VWA2: variants seen among roughly 807,000 people sequenced by gnomAD.
The protein encoded by VWA2 is von Willebrand factor A domain-containing protein 2.
Under a neutral mutation model 70.4 loss-of-function variants are expected in VWA2, and 73 were observed. The observed-to-expected ratio is 1.04, with a 90% CI of 0.86 to 1.26. VWA2 has a LOEUF of 1.26. VWA2 is among the 50% of genes most tolerant of loss of function. The pLI is 0.00. For missense variants in VWA2, 1,011 were observed against 998.5 expected (o/e 1.01, Z -0.17); for synonymous variants, 407 against 423.3 (o/e 0.96, Z 0.47).
At chr10:114,256,037 A>AG (rs1189478607) in intron 4 of VWA2, among the ~76,000 whole-genome samples, 1 of 152,208 alleles carries the variant, frequency 6.6e-6, no homozygotes, top group Non-Finnish European at 1.5e-5. Flanking sequence ...TGCAGCCTCT[A>AG]GGGGAGAATC....
At position 114,289,471 on chromosome 10, in the gene VWA2, A is replaced by T. The variant is rs765323011; in HGVS notation, c.2104A>T (p.Ile702Phe). 1.2e-6 allele frequency: 2 copies of T among 1,614,202 alleles called. No individual in the cohort carries two copies. The highest frequency in any genetic ancestry group is 2.2e-5 in the South Asian group (2 of 91,086). ...CCTGCGGTACCACCAGGACGTGCTC[A>T]TTGAGTGGCTGTGTGGAGGTGAGTG... ...ADLRYHQDVL[I>F]EWLCGEAKQP... Residue 702 changes from isoleucine (I) to phenylalanine (F), a missense_variant, in exon 12 of 14, where the codon ATT becomes TTT. Ile to Phe is a conservative substitution (Grantham distance 21). Coordinates refer to ENST00000392982, the MANE Select transcript of VWA2 (RefSeq NM_001272046.2).
chr10:114,289,714 T>TC, intron 12 of VWA2: 1 of 581,778 alleles, frequency 1.7e-6, no homozygotes, highest in Non-Finnish European at 3.1e-6. Flanking sequence ...CATAGATAAC[T>TC]CCCCCCAAAC....
At position 114,290,200 on chromosome 10, in the gene VWA2, TGCCTGGCCG is replaced by T. The variant is rs779971932; in HGVS notation, c.2123-33_2123-25del. ...GGTAGGGGTCTTCGGGTCTAACCCATGCCTGGCCGGCCTGGTGGGTATGGTGTTCTCCAT... is the reference window on the plus strand; with the variant it reads ...GGTAGGGGTCTTCGGGTCTAACCCATGCCTGGTGGGTATGGTGTTCTCCAT... On this transcript the variant is annotated intron_variant, in intron 12 of 13. Coordinates refer to ENST00000392982, the MANE Select transcript of VWA2 (RefSeq NM_001272046.2). 70 of 1,547,310 alleles carry T rather than the reference TGCCTGGCCG, an allele frequency of 4.5e-5. 1 individual carries two copies. In the East Asian group the frequency reaches 1.6e-3, roughly 36 times the overall value.
intron 5 of VWA2, among the ~76,000 whole-genome samples, chr10:114,269,496 G>A (rs761718295): frequency 4.5e-4 from 68 of 152,250 alleles, no homozygotes; most frequent in Non-Finnish European, 6.8e-4. Flanking sequence ...CAGGAGAATC[G>A]CTTAAGCCCA....
chr10:114,254,081 T>C (rs2037267142), intron 3 of VWA2, among the ~76,000 whole-genome samples: 1 of 151,804 alleles, frequency 6.6e-6, no homozygotes, highest in Non-Finnish European at 1.5e-5. Context: ...TTTTTTTGTT[T>C]TGTTTTAAAG....
chr10:114,271,001 C>T (rs1313274408), intron 5 of VWA2, among the ~76,000 whole-genome samples: 1 of 152,122 alleles, frequency 6.6e-6, no homozygotes, highest in Non-Finnish European at 1.5e-5. Flanking sequence ...AGCTTTTTCC[C>T]CTCTGAAGCC....
In VWA2 at chr10:114,277,095, A is replaced by G. The variant is rs181808667; in HGVS notation, c.567-819A>G. 1.1e-3 allele frequency among the ~76,000 whole-genome samples: 167 copies of G among 147,194 alleles called. 4 individuals are homozygous for G. In the Middle Eastern group the frequency reaches 0.04, roughly 35 times the overall value. On this transcript the variant is annotated intron_variant, in intron 6 of 13. Transcript: ENST00000392982. ...TAGAAATGAATGGGATTTTTGCCCT[A>G]TCGTCAAACCTTGGTCCACCCTGAT...
chr10:114,272,900 G>A lies in VWA2; in HGVS notation c.532G>A (p.Val178Ile), dbSNP rs1225077190. Residue 178 changes from valine to isoleucine, a missense_variant, in exon 6 of 14, where the codon GTC becomes ATC. By Grantham distance (29) the Val-to-Ile change is conservative. Coordinates refer to ENST00000392982, the MANE Select transcript of VWA2 (RefSeq NM_001272046.2). ...ATCCAAGCAGCTGAAGGAAAGGGGT[G>A]TCACTGTGTTTGCTGTGGGGGTCAG... ...LPSKQLKERGVTVFAVGVRFP... is the reference protein window; with the variant it reads ...LPSKQLKERGITVFAVGVRFP... 3.7e-6 allele frequency: 6 copies of A among 1,613,494 alleles called. No individual in the cohort carries two copies. Among genetic ancestry groups the A allele is most frequent in the Non-Finnish European group, 5.1e-6 (6 of 1,179,698 alleles).
chr10:114,272,536 G>A (rs1011672748), intron 5 of VWA2, among the ~76,000 whole-genome samples: 3 of 152,162 alleles, frequency 2.0e-5, no homozygotes, highest in Non-Finnish European at 4.4e-5. Flanking sequence ...GAGATGTACG[G>A]GGTGAATCTC....
At chr10:114,278,671 G>A in intron 7 of VWA2, 48 bp from the exon 8 acceptor site, 1 of 1,606,110 alleles carries the variant, frequency 6.2e-7, no homozygotes, top group Non-Finnish European at 8.5e-7. Context: ...GCAGGAGGAG[G>A]TGGAACCCTG....
rs1202114622 is a variant in VWA2, at chr10:114,294,031, TTCC to T, written c.*2797_*2799del. Among the ~76,000 whole-genome samples the T allele has an allele frequency of 6.6e-6, 1 of 152,334 alleles. No individual in the cohort carries two copies. Among genetic ancestry groups the T allele is most frequent in the African/African-American group, 2.4e-5 (1 of 41,584 alleles). ...GTTGAGATTTATGGTATGCTTTTTC[TTCC>T]TCAAGATAATGCATTTTTTGTATTA... On this transcript the variant is annotated 3_prime_UTR_variant, in exon 14 of 14. Coordinates refer to ENST00000392982, the MANE Select transcript of VWA2 (RefSeq NM_001272046.2).
At position 114,254,976 on chromosome 10, in the gene VWA2, G is replaced by A. The variant is rs753192389; in HGVS notation, c.189G>A (p.Gly63=). 5.6e-6 allele frequency: 9 copies of A among 1,613,286 alleles called. No homozygotes were observed. ...TGTTAGATGGGTCTAACAGCGTCGGGAAAGGGAGCTTTGAAAGGTCCAAGC... is the reference window on the plus strand; with the variant it reads ...TGTTAGATGGGTCTAACAGCGTCGGAAAAGGGAGCTTTGAAAGGTCCAAGC... ...MFLLDGSNSV[G]KGSFERSKHF... is the part of the protein sequence containing the mutation. Residue 63 remains glycine, a synonymous_variant, in exon 4 of 14, where the codon GGG becomes GGA. Coordinates refer to ENST00000392982, the MANE Select transcript of VWA2 (RefSeq NM_001272046.2).
chr10:114,262,380 A>T (rs539641081), intron 5 of VWA2, among the ~76,000 whole-genome samples: 1 of 151,828 alleles, frequency 6.6e-6, no homozygotes, highest in Non-Finnish European at 1.5e-5. Flanking sequence ...ACATATTGAC[A>T]CATACATGTA....
intron 1 of VWA2, among the ~76,000 whole-genome samples, chr10:114,240,740 G>T (rs2036960723): frequency 6.6e-6 from 1 of 152,178 alleles, no homozygotes; most frequent in South Asian, 2.1e-4. Context: ...CTTTCAGCAG[G>T]CTGAAGCCAT....
intron 5 of VWA2, 100 bp downstream of exon 5, chr10:114,261,395 C>A: frequency 2.2e-6 from 2 of 894,466 alleles, no homozygotes; most frequent in South Asian, 1.7e-5. Context: ...ACAGAGAGGA[C>A]TGTGGGCTGC....
intron 9 of VWA2, among the ~76,000 whole-genome samples, chr10:114,284,178 T>C (rs2038555693): frequency 1.3e-5 from 2 of 152,384 alleles, no homozygotes; most frequent in South Asian, 2.1e-4. Flanking sequence ...GGCTGTGGTT[T>C]CCCATGTAAA....
At position 114,285,925 on chromosome 10, in the gene VWA2, TGTGATCCCCG is replaced by T; in HGVS notation, c.998-13_998-4del. 6.4e-7 allele frequency: 1 copy of T among 1,572,406 alleles called. No individual in the cohort carries two copies. Among genetic ancestry groups the T allele is most frequent in the Non-Finnish European group, 8.7e-7 (1 of 1,155,108 alleles). ...ACCATGGCTTGACAGTGGGTGTTGC[TGTGATCCCCG>T]CAGCCCTGAAGCTGAGCCTGGAATG... On this transcript the variant is annotated splice_region_variant and splice_polypyrimidine_tract_variant and intron_variant, in intron 10 of 13. Transcript: ENST00000392982.
At chr10:114,287,429 C>T (rs1219075176) in intron 11 of VWA2, among the ~76,000 whole-genome samples, 1 of 152,128 alleles carries the variant, frequency 6.6e-6, no homozygotes. Flanking sequence ...AATCCACCCA[C>T]CTCAGCCTCC....
In VWA2 at chr10:114,248,850, C is replaced by G. The variant is rs1040809695; in HGVS notation, c.52+85C>G. On this transcript the variant is annotated intron_variant, in intron 2 of 13. Coordinates refer to ENST00000392982, the MANE Select transcript of VWA2 (RefSeq NM_001272046.2). ...CTTCAAATCCTGTTGATTTTCAATT[C>G]TAAAGGTCTCTTGAATCCACCTGCA... 4.7e-6 allele frequency: 6 copies of G among 1,288,572 alleles called. No individual in the cohort carries two copies. In the African/African-American group the frequency reaches 8.8e-5, roughly 19 times the overall value. The allele number at this position is 1,288,572 out of a possible 1,614,324, so 79.8% of individuals were successfully genotyped here. A position where few individuals can be genotyped will look rare whatever the true frequency, so the allele number is the denominator to read the frequency against.
Sources: gnomAD v4.1 joint callset for allele counts (sites outside exome capture counted in the v4.1 genomes callset) on GRCh38, gnomAD v4.1.1 for gene constraint, MANE v1.5 for transcripts, NCBI Gene and HGNC (gene_info 2026-07-23, HGNC 2026-07-21) for gene names.